The following ACO2 variants were observed in gnomAD, a reference collection of about 807,000 sequenced individuals.
ACO2 encodes aconitase 2, also known as aconitate hydratase, mitochondrial.
ACO2 carries 31 observed loss-of-function variants against 84.5 expected under a neutral mutation model. The observed-to-expected ratio is 0.37, with a 90% CI of 0.28 to 0.50. The LOEUF (loss-of-function observed/expected upper bound fraction) is 0.50. Among genes scored for constraint, ACO2 ranks in the 20% least tolerant of loss-of-function variants. The probability of loss-of-function intolerance (pLI) is 0.97; values close to 1 mark genes in which losing one functional copy is unlikely to be tolerated. For missense variants in ACO2, 685 were observed against 1,029.3 expected (o/e 0.67, Z 4.58); for synonymous variants, 414 against 412.7 (o/e 1.00, Z -0.04).
intron 1 of ACO2, among the ~76,000 whole-genome samples, chr22:41,491,775 G>A (rs2066273407): frequency 6.6e-6 from 1 of 152,176 alleles, no homozygotes; most frequent in Admixed American, 6.5e-5. Context: ...TTTTATCAAT[G>A]CTGTGAAGTT....
At chr22:41,487,486 T>G (rs1363875199) in intron 1 of ACO2, among the ~76,000 whole-genome samples, 1 of 152,194 alleles carries the variant, frequency 6.6e-6, no homozygotes, top group Non-Finnish European at 1.5e-5. Context: ...TGGAGAAACA[T>G]TTAATGAATC....
At position 41,515,624 on chromosome 22, in the gene ACO2, A is replaced by T; in HGVS notation, c.684+89A>T. Reference sequence around the variant, plus strand: ...GAGACGGTGGGACCCAGGAGGGAAAAGGGAACAAGTTAGACTCGAATCTTC... The same window carrying T: ...GAGACGGTGGGACCCAGGAGGGAAATGGGAACAAGTTAGACTCGAATCTTC... On this transcript the variant is annotated intron_variant, in intron 5 of 17. Coordinates refer to ENST00000216254, the MANE Select transcript of ACO2 (RefSeq NM_001098.3). This position sits in a 1 kb window ranked among gnomAD's most constrained non-coding sequence, Gnocchi z 5.8. The T allele has an allele frequency of 1.3e-6, 2 of 1,574,494 alleles. No homozygotes were observed.
At chr22:41,492,234 T>C (rs2066276805) in intron 1 of ACO2, among the ~76,000 whole-genome samples, 1 of 152,254 alleles carries the variant, frequency 6.6e-6, no homozygotes, top group Non-Finnish European at 1.5e-5. Context: ...GCTAGTCTTT[T>C]ATTTATTTAT....
At position 41,523,186 on chromosome 22, in the gene ACO2, C is replaced by A. The variant is rs765404984; in HGVS notation, c.1297-19C>A. 1.2e-6 allele frequency: 2 copies of A among 1,606,824 alleles called. No homozygotes were observed. The highest frequency in any genetic ancestry group is 1.7e-6 in the Non-Finnish European group (2 of 1,175,594). ...CTCTCACCCACCCTTGACATTCTGT[C>A]TTCCTCTCTCCCTGGCAGGCACAGA... On this transcript the variant is annotated intron_variant, in intron 10 of 17. Coordinates refer to ENST00000216254, the MANE Select transcript of ACO2 (RefSeq NM_001098.3).
intron 1 of ACO2, among the ~76,000 whole-genome samples, chr22:41,488,181 G>T (rs776041479): frequency 1.3e-5 from 2 of 152,116 alleles, no homozygotes; most frequent in Non-Finnish European, 2.9e-5. Flanking sequence ...TAATCCTGAC[G>T]GTAGGGGCCC....
intron 13 of ACO2, 94 bp downstream of exon 13, chr22:41,525,062 C>T: frequency 6.2e-7 from 1 of 1,605,222 alleles, no homozygotes. Flanking sequence ...AGGGAGGGCG[C>T]TGCTAGTGAG....
chr22:41,525,175 C>G lies in ACO2; in HGVS notation c.1606-18C>G. ...ACTGAGGACTCAGCACCCCACGCAT[C>G]CCCATTCCCTGCTGCAGGAGTTTGA... is the stretch of plus-strand genomic sequence containing the variant. On this transcript the variant is annotated intron_variant, in intron 13 of 17. Coordinates refer to ENST00000216254, the MANE Select transcript of ACO2 (RefSeq NM_001098.3). 1.9e-6 allele frequency: 3 copies of G among 1,612,650 alleles called. No homozygotes were observed. The highest frequency in any genetic ancestry group is 2.5e-6 in the Non-Finnish European group (3 of 1,178,936).
At chr22:41,526,818 C>T (rs1309527545) in intron 15 of ACO2, 1 of 302,284 alleles carries the variant, frequency 3.3e-6, no homozygotes, top group East Asian at 6.8e-5. Flanking sequence ...GGTGATTGGA[C>T]TTTTTCTGCT....
chr22:41,520,868 T>C (rs918044155), intron 9 of ACO2, among the ~76,000 whole-genome samples: 1 of 144,294 alleles, frequency 6.9e-6, no homozygotes. Flanking sequence ...ATTGGCCAGG[T>C]GTGGAGGCGC....
At chr22:41,476,951 C>T (rs1355889219) in intron 1 of ACO2, among the ~76,000 whole-genome samples, 2 of 151,380 alleles carry the variant, frequency 1.3e-5, no homozygotes, top group Non-Finnish European at 2.9e-5. Context: ...GAGTTCAAGA[C>T]CAGCCTGGCC....
chr22:41,511,186 A>G (rs902120466), intron 3 of ACO2, among the ~76,000 whole-genome samples: 1 of 150,942 alleles, frequency 6.6e-6, no homozygotes, highest in African/African-American at 2.4e-5. Context: ...TCTTATTTTT[A>G]TTTTTTGAGA....
In ACO2 at chr22:41,527,932, T is replaced by G; in HGVS notation, c.2118T>G (p.Pro706=). The part of the protein sequence containing the change: ...ETNLKKQGLL[P]LTFADPADYN... ...ACCTGAAGAAACAGGGCCTGCTGCCTCTGACCTTCGCTGACCCGGCTGACT... is the reference window on the plus strand; with the variant it reads ...ACCTGAAGAAACAGGGCCTGCTGCCGCTGACCTTCGCTGACCCGGCTGACT... The change falls in exon 17 of 18, where the codon CCT becomes CCG. Residue 706 remains proline (P), a synonymous_variant. Coordinates refer to ENST00000216254, the MANE Select transcript of ACO2 (RefSeq NM_001098.3). 6.2e-7 allele frequency: 1 copy of G among 1,614,140 alleles called. No individual in the cohort carries two copies. The highest frequency in any genetic ancestry group is 1.1e-5 in the South Asian group (1 of 91,078).
At position 41,527,453 on chromosome 22, in the gene ACO2, T is replaced by C. The variant is rs370671196; in HGVS notation, c.2086+33T>C. 7.8e-5 allele frequency: 123 copies of C among 1,584,054 alleles called. No homozygotes were observed. In the African/African-American group the frequency reaches 1.4e-3, roughly 18 times the overall value. On this transcript the variant is annotated intron_variant, in intron 16 of 17. Transcript: ENST00000216254. Reference sequence around the variant, plus strand: ...GGAGTCTGTACCCAGGCCATCCTCATCCCATCCCTAGTGATCAAGGTCACT... The same window carrying C: ...GGAGTCTGTACCCAGGCCATCCTCACCCCATCCCTAGTGATCAAGGTCACT...
At chr22:41,469,304 C>G in intron 1 of ACO2, 122 bp downstream of exon 1, 1 of 1,220,646 alleles carries the variant, frequency 8.2e-7, no homozygotes. Context: ...GTACCTGTCC[C>G]GGTTGTGGGC....
At chr22:41,528,204 ACCCGGGGCCCTCACACCT>A in intron 17 of ACO2, 182 bp downstream of exon 17, 1 of 991,796 alleles carries the variant, frequency 1.0e-6, no homozygotes, top group South Asian at 1.7e-5. Context: ...GTTGGAGTCA[ACCCGGGGCCCTCACACCT>A]CCCCAACCTC....
chr22:41,526,956 G>C, intron 15 of ACO2: 2 of 425,912 alleles, frequency 4.7e-6, no homozygotes, highest in Non-Finnish European at 8.5e-6. Flanking sequence ...GAGCTTCACA[G>C]ATGCATCTTG....
At chr22:41,474,907 A>G (rs2037994552) in intron 1 of ACO2, among the ~76,000 whole-genome samples, 1 of 151,880 alleles carries the variant, frequency 6.6e-6, no homozygotes, top group African/African-American at 2.4e-5. Context: ...CCTGCACAGT[A>G]CTTATAAAAA....
chr22:41,488,279 G>A (rs1191181146), intron 1 of ACO2, among the ~76,000 whole-genome samples: 1 of 152,190 alleles, frequency 6.6e-6, no homozygotes, highest in East Asian at 1.9e-4. Context: ...TGTCAAGATA[G>A]TGAGCCCTGG....
chr22:41,521,797 CAG>C (rs1224836556), intron 9 of ACO2, among the ~76,000 whole-genome samples: 2 of 147,578 alleles, frequency 1.4e-5, no homozygotes, highest in East Asian at 2.0e-4. Flanking sequence ...TTTTTTGAGA[CAG>C]AGTCTTGCTC....
Sources: gnomAD v4.1 joint callset for allele counts (sites outside exome capture counted in the v4.1 genomes callset) on GRCh38, gnomAD v4.1.1 for gene constraint, Gnocchi (gnomAD v3.1) non-coding constraint, MANE v1.5 for transcripts, NCBI Gene and HGNC (gene_info 2026-07-23, HGNC 2026-07-21) for gene names.